HACE1: variants seen among roughly 807,000 people sequenced by gnomAD.
The protein encoded by HACE1 is HECT domain and ankyrin repeat containing E3 ubiquitin protein ligase 1.
In HACE1, 73 loss-of-function variants were observed where a neutral mutation model predicts 118.4. That is an observed-to-expected ratio of 0.62 (90% CI 0.51 to 0.75). HACE1 has a LOEUF of 0.75. Among genes scored for constraint, HACE1 ranks in the 30% least tolerant of loss-of-function variants. The probability of loss-of-function intolerance (pLI) is 0.00; values close to 1 mark genes in which losing one functional copy is unlikely to be tolerated. For missense variants in HACE1, 749 were observed against 1,102.2 expected, an observed-to-expected ratio of 0.68 and a Z score of 4.54; for synonymous variants, 368 against 374.8, an observed-to-expected ratio of 0.98 and a Z score of 0.21.
chr6:104,804,830 A>G (rs1415311685), intron 7 of HACE1, among the ~76,000 whole-genome samples: 1 of 152,246 alleles, frequency 6.6e-6, no homozygotes, highest in Non-Finnish European at 1.5e-5. Context: ...ACCAAATGCA[A>G]TGGCAACAAA....
At chr6:104,746,420 G>C (rs949475293) in intron 20 of HACE1, among the ~76,000 whole-genome samples, 1 of 152,196 alleles carries the variant, frequency 6.6e-6, no homozygotes, top group Non-Finnish European at 1.5e-5. Flanking sequence ...CCTGCTGGCT[G>C]TCTTGCCAGC....
At chr6:104,788,811 A>C (rs1782700444) in intron 11 of HACE1, among the ~76,000 whole-genome samples, 1 of 152,132 alleles carries the variant, frequency 6.6e-6, no homozygotes, top group Non-Finnish European at 1.5e-5. Flanking sequence ...TTAATGCTGA[A>C]AGAATGGCTA....
intron 19 of HACE1, among the ~76,000 whole-genome samples, chr6:104,770,391 T>G (rs1365885124): frequency 6.6e-6 from 1 of 152,114 alleles, no homozygotes; most frequent in Non-Finnish European, 1.5e-5. Flanking sequence ...ATGCAAAGAT[T>G]TTTAAATAAT....
intron 11 of HACE1, among the ~76,000 whole-genome samples, chr6:104,787,661 G>A (rs999343633): frequency 3.9e-5 from 6 of 152,150 alleles, no homozygotes; most frequent in Non-Finnish European, 2.9e-5. Flanking sequence ...AAGGCCTAAC[G>A]CAAGAAATGA....
At chr6:104,842,157 A>G (rs749750023) in intron 5 of HACE1, among the ~76,000 whole-genome samples, 1 of 152,154 alleles carries the variant, frequency 6.6e-6, no homozygotes, top group Non-Finnish European at 1.5e-5. Flanking sequence ...AATATAAAAT[A>G]TACTAGCCAA....
intron 5 of HACE1, among the ~76,000 whole-genome samples, chr6:104,833,386 G>A (rs1038872352): frequency 2.0e-5 from 3 of 152,004 alleles, no homozygotes; most frequent in African/African-American, 7.3e-5. Context: ...CAGGTTTGGG[G>A]GTTTTTTAGA....
Position 104,849,234 on chromosome 6 carries a change from C to T in HACE1, c.234G>A (p.Val78=), listed in dbSNP as rs566521080. 59 of 1,588,300 alleles carry T rather than the reference C, an allele frequency of 3.7e-5. No individual in the cohort carries two copies. In the South Asian group the frequency reaches 5.6e-4, roughly 15 times the overall value. ...TCTTTAACAGCAAAACCAAGCATTC[C>T]ACCGATCCACAACTAAAACAATATT... is the stretch of plus-strand genomic sequence containing the variant. ...LLHIAANCGS[V]ECLVLLLKKG... Residue 78 remains valine, a synonymous_variant, in exon 4 of 24, where the codon GTG becomes GTA. Coordinates refer to ENST00000262903, the MANE Select transcript of HACE1 (RefSeq NM_020771.4).
At chr6:104,817,593 T>C (rs375505829) in intron 6 of HACE1, among the ~76,000 whole-genome samples, 2 of 152,106 alleles carry the variant, frequency 1.3e-5, no homozygotes, top group Admixed American at 6.6e-5. Flanking sequence ...TGAATTAATA[T>C]AGAGGAGAAA....
intron 12 of HACE1, 148 bp downstream of exon 12, chr6:104,784,837 C>T: frequency 3.1e-6 from 2 of 644,314 alleles, no homozygotes; most frequent in Non-Finnish European, 2.7e-6. Flanking sequence ...ATATTCCCTA[C>T]TAGATCTAGA....
chr6:104,855,750 C>A (rs536624035), intron 1 of HACE1, among the ~76,000 whole-genome samples: 1 of 152,160 alleles, frequency 6.6e-6, no homozygotes, highest in South Asian at 2.1e-4. Context: ...ACTTCTAAAC[C>A]ATGAGAATTT....
chr6:104,818,711 TGCAA>T (rs1772369071), intron 6 of HACE1, among the ~76,000 whole-genome samples: 1 of 152,088 alleles, frequency 6.6e-6, no homozygotes, highest in East Asian at 1.9e-4. Context: ...AACCTAAGGA[TGCAA>T]GGTTGGTTCA....
intron 6 of HACE1, among the ~76,000 whole-genome samples, chr6:104,816,052 G>A (rs144127696): frequency 2.7e-3 from 404 of 149,414 alleles, no homozygotes; most frequent in African/African-American, 9.7e-3. Flanking sequence ...CAGCCTGGGC[G>A]ACAAGAGCAA....
intron 5 of HACE1, among the ~76,000 whole-genome samples, chr6:104,838,173 C>T (rs1180042372): frequency 6.6e-6 from 1 of 152,112 alleles, no homozygotes; most frequent in Non-Finnish European, 1.5e-5. Flanking sequence ...TATCAAAATA[C>T]CAATGACATT....
At chr6:104,851,645 T>G (rs1230598597) in intron 2 of HACE1, among the ~76,000 whole-genome samples, 1 of 152,160 alleles carries the variant, frequency 6.6e-6, no homozygotes, top group Non-Finnish European at 1.5e-5. Context: ...TTGCCAAAAG[T>G]TGAGCCTAGC....
In HACE1 at chr6:104,849,773, C is replaced by T. The variant is rs181890498; in HGVS notation, c.222-527G>A. Among the ~76,000 whole-genome samples the T allele has an allele frequency of 3.0e-3, 452 of 151,908 alleles. 3 individuals are homozygous for T. The highest frequency in any genetic ancestry group is 0.01 in the African/African-American group (430 of 41,408). On this transcript the variant is annotated intron_variant, in intron 3 of 23. Transcript: ENST00000262903. The stretch of plus-strand genomic sequence containing the variant: ...ACGCCATTCTCCTGCCTCAGCCTCC[C>T]GAGTAGCTGGGACTACAGGCACCTG...
intron 19 of HACE1, among the ~76,000 whole-genome samples, chr6:104,760,675 T>C (rs532225460): frequency 6.6e-5 from 10 of 152,308 alleles, no homozygotes; most frequent in South Asian, 6.2e-4. Context: ...CTATTCAACA[T>C]AGTATTGGAA....
rs901808150 is a variant in HACE1 at position 104,748,088 on chromosome 6, A to C, written c.2343+2253T>G. On this transcript the variant is annotated intron_variant, in intron 20 of 23. Transcript: ENST00000262903. ...GACACAAAAAGCTTCTTCCATCAAAAAAAACAAAACAAAACAAAAAAAACT... is the reference window on the plus strand; with the variant it reads ...GACACAAAAAGCTTCTTCCATCAAACAAAACAAAACAAAACAAAAAAAACT... Among the ~76,000 whole-genome samples, 54 of 152,216 alleles carry C rather than the reference A, an allele frequency of 3.5e-4. 1 individual carries two copies. The highest frequency in any genetic ancestry group is 2.0e-3 in the Admixed American group (31 of 15,298).
intron 5 of HACE1, chr6:104,842,242 G>A (rs920467508): frequency 2.0e-5 from 3 of 152,262 alleles, no homozygotes; most frequent in African/African-American, 7.2e-5. Context: ...CCAAGAGTTT[G>A]AGGTTGCAGT....
intron 14 of HACE1, chr6:104,780,527 G>A (rs1307625136): frequency 3.4e-6 from 1 of 290,134 alleles, no homozygotes; most frequent in Non-Finnish European, 6.7e-6. Flanking sequence ...ACTTTCTAGA[G>A]GAGGACAATC....
Sources: allele counts gnomAD v4.1 joint callset (sites outside exome capture counted in the v4.1 genomes callset), GRCh38; gene constraint gnomAD v4.1.1; transcripts MANE v1.5; gene names NCBI Gene and HGNC (gene_info 2026-07-23, HGNC 2026-07-21).